CALN1: variants seen among roughly 807,000 people sequenced by gnomAD.
The protein encoded by CALN1 is calcium-binding protein 8.
CALN1 carries 17 observed loss-of-function variants against 30.6 expected under a neutral mutation model. The ratio of observed to expected loss-of-function variants is 0.56; its 90% CI spans 0.38 to 0.83. The LOEUF (loss-of-function observed/expected upper bound fraction) is 0.83, where lower values mean the gene tolerates loss of function less well. Ranked by LOEUF, CALN1 falls within the 40% of genes least tolerant of loss-of-function variation. The pLI is 0.00. For missense variants in CALN1, 291 were observed against 354.9 expected (o/e 0.82, Z 1.45); for synonymous variants, 156 against 131.4 (o/e 1.19, Z -1.28).
At chr7:72,129,118 C>T (rs1808967004) in intron 3 of CALN1, among the ~76,000 whole-genome samples, 1 of 152,120 alleles carries the variant, frequency 6.6e-6, no homozygotes, top group Non-Finnish European at 1.5e-5. Context: ...AAACATATAA[C>T]ACCAAGTTCA....
At chr7:72,451,131 GAGAAGA>G (rs577047523), upstream of CALN1, among the ~76,000 whole-genome samples, 270 of 150,060 alleles carry the variant, frequency 1.8e-3, 2 homozygotes, top group African/African-American at 6.3e-3. Context: ...AGAAGAGATA[GAGAAGA>G]AGAAGGAGAA....
intron 4 of CALN1, among the ~76,000 whole-genome samples, chr7:72,078,268 C>A (rs1335704250): frequency 1.3e-5 from 2 of 151,940 alleles, no homozygotes; most frequent in Non-Finnish European, 2.9e-5. Context: ...GCAGCTACCC[C>A]GAGAAGGGAA....
At chr7:72,072,099 A>G (rs1203473877) in intron 4 of CALN1, among the ~76,000 whole-genome samples, 3 of 152,206 alleles carry the variant, frequency 2.0e-5, no homozygotes, top group African/African-American at 7.2e-5. Context: ...GGGTAGGGGA[A>G]TATCTGAAGA....
chr7:72,222,680 G>T (rs889106908), intron 3 of CALN1, among the ~76,000 whole-genome samples: 2 of 152,086 alleles, frequency 1.3e-5, no homozygotes, highest in African/African-American at 4.8e-5. Flanking sequence ...TCAGGATCTT[G>T]CTTGACACAA....
At chr7:71,798,740 G>GC (rs1296996325) in intron 6 of CALN1, among the ~76,000 whole-genome samples, 1 of 149,750 alleles carries the variant, frequency 6.7e-6, no homozygotes, top group Non-Finnish European at 1.5e-5. Context: ...TCCTGCCTCA[G>GC]CCCCCCAAGT....
intron 5 of CALN1, among the ~76,000 whole-genome samples, chr7:71,975,417 C>T (rs1798055006): frequency 6.6e-6 from 1 of 151,970 alleles, no homozygotes; most frequent in African/African-American, 2.4e-5. Context: ...TACCTGTGCT[C>T]TTTCATTTTT....
the CALN1 span, among the ~76,000 whole-genome samples, chr7:72,496,025 A>G: frequency 2.0e-5 from 3 of 152,126 alleles, no homozygotes; most frequent in East Asian, 5.8e-4. Context: ...GGTTCAAGAG[A>G]TTCTCCTGCC....
chr7:71,906,862 A>T (rs1197256034), intron 5 of CALN1, among the ~76,000 whole-genome samples: 1 of 152,150 alleles, frequency 6.6e-6, no homozygotes, highest in Non-Finnish European at 1.5e-5. Context: ...CCAGGTGGCA[A>T]ATAGGTTCAC....
intron 1 of CALN1, among the ~76,000 whole-genome samples, chr7:72,410,555 T>A (rs995249266): frequency 2.6e-5 from 4 of 152,186 alleles, no homozygotes; most frequent in Admixed American, 6.5e-5. Flanking sequence ...AAAACTGAAA[T>A]GAGCTTTTCA....
intron 3 of CALN1, among the ~76,000 whole-genome samples, chr7:72,245,938 T>TA (rs1318333430): frequency 2.0e-5 from 3 of 152,198 alleles, no homozygotes; most frequent in African/African-American, 7.2e-5. Flanking sequence ...CAGCAATGCT[T>TA]ACACTGCAAG....
chr7:72,198,225 T>C (rs371613450), intron 3 of CALN1, among the ~76,000 whole-genome samples: 5 of 152,332 alleles, frequency 3.3e-5, no homozygotes, highest in African/African-American at 1.2e-4. Context: ...AGCTCAGTCA[T>C]TTGTAATCAG....
intron 3 of CALN1, among the ~76,000 whole-genome samples, chr7:72,221,964 G>A (rs907075560): frequency 5.3e-5 from 8 of 151,868 alleles, no homozygotes; most frequent in Non-Finnish European, 8.8e-5. Context: ...AGTGGCTCAC[G>A]CCTGTAATCC....
intron 5 of CALN1, among the ~76,000 whole-genome samples, chr7:72,019,941 G>A (rs899430991): frequency 2.6e-5 from 4 of 152,160 alleles, no homozygotes; most frequent in African/African-American, 9.7e-5. Flanking sequence ...TGTCACTGAT[G>A]GGAAGCCTTG....
chr7:72,479,455 T>G, the CALN1 span, among the ~76,000 whole-genome samples: 1 of 152,092 alleles, frequency 6.6e-6, no homozygotes, highest in Non-Finnish European at 1.5e-5. Context: ...TAAGAAATTT[T>G]GCTTAACATA....
At chr7:72,290,620 C>A (rs1460175523) in intron 2 of CALN1, among the ~76,000 whole-genome samples, 1 of 152,170 alleles carries the variant, frequency 6.6e-6, no homozygotes, top group Non-Finnish European at 1.5e-5. Flanking sequence ...GTTACTGGTT[C>A]TTGAACTAAG....
chr7:72,434,194 T>A (rs1562967214), intron 1 of CALN1, among the ~76,000 whole-genome samples: 1 of 151,692 alleles, frequency 6.6e-6, no homozygotes, highest in Non-Finnish European at 1.5e-5. Context: ...ATAACATTTC[T>A]TTTTTTTAGG....
At chr7:72,004,069 G>C (rs1297014095) in intron 5 of CALN1, among the ~76,000 whole-genome samples, 1 of 152,188 alleles carries the variant, frequency 6.6e-6, no homozygotes, top group Non-Finnish European at 1.5e-5. Flanking sequence ...GATCTTAGAA[G>C]AGTTAAAACA....
chr7:72,298,111 G>A (rs930207246), intron 2 of CALN1, among the ~76,000 whole-genome samples: 1 of 152,156 alleles, frequency 6.6e-6, no homozygotes, highest in Non-Finnish European at 1.5e-5. Flanking sequence ...GTTCCTTTGA[G>A]AAGCGGTGAT....
intron 3 of CALN1, among the ~76,000 whole-genome samples, chr7:72,176,921 TC>T (rs2129545784): frequency 6.6e-6 from 1 of 152,116 alleles, no homozygotes; most frequent in East Asian, 1.9e-4. Flanking sequence ...CTTGCTCCCT[TC>T]CAAAACCTCA....
Sources: gnomAD v4.1 joint callset for allele counts (sites outside exome capture counted in the v4.1 genomes callset) on GRCh38, gnomAD v4.1.1 for gene constraint, MANE v1.5 for transcripts, NCBI Gene and HGNC (gene_info 2026-07-23, HGNC 2026-07-21) for gene names.